The following CNTNAP2 variants were observed in gnomAD, a reference collection of about 807,000 sequenced individuals.
The protein encoded by CNTNAP2 is contactin associated protein 2, also known as contactin-associated protein-like 2.
CNTNAP2 carries 98 observed loss-of-function variants against 155.2 expected under a neutral mutation model. The observed-to-expected ratio is 0.63, with a 90% CI of 0.54 to 0.75. The LOEUF is 0.75. Ranked by LOEUF, CNTNAP2 falls within the 30% of genes least tolerant of loss-of-function variation. The pLI is 0.00. For synonymous variants in CNTNAP2, 651 were observed against 631.2 expected, an observed-to-expected ratio of 1.03 and a Z score of -0.47; for missense variants, 1,727 against 1,688.1, an observed-to-expected ratio of 1.02 and a Z score of -0.40.
intron 18 of CNTNAP2, among the ~76,000 whole-genome samples, chr7:148,182,145 G>A (rs1795049177): frequency 6.6e-6 from 1 of 152,030 alleles, no homozygotes; most frequent in Admixed American, 6.6e-5. Context: ...GTTGTTGAGT[G>A]TTTTTATTTC....
At chr7:146,483,330 C>CATAATATATATATATAT (rs1797006821) in intron 1 of CNTNAP2, among the ~76,000 whole-genome samples, 1 of 40,294 alleles carries the variant, frequency 2.5e-5, no homozygotes, top group Non-Finnish European at 4.6e-5. Context: ...TATATATATA[C>CATAATATATATATATAT]ATATATATAT....
intron 1 of CNTNAP2, among the ~76,000 whole-genome samples, chr7:146,721,450 CTATATACATTT>C (rs1198222151): frequency 2.5e-5 from 3 of 119,684 alleles, no homozygotes; most frequent in African/African-American, 3.6e-5. Flanking sequence ...TATATACATT[CTATATACATTT>C]TATATACATT....
At chr7:146,244,626 C>T (rs6977130) in intron 1 of CNTNAP2, among the ~76,000 whole-genome samples, 14,891 of 151,712 alleles carry the variant, frequency 0.098, 2,023 homozygotes, top group African/African-American at 0.31. Flanking sequence ...TTCCTGAAGA[C>T]GGAGGACCAT....
intron 18 of CNTNAP2, among the ~76,000 whole-genome samples, chr7:148,179,606 A>C (rs1382951175): frequency 7.1e-6 from 1 of 141,594 alleles, no homozygotes; most frequent in Non-Finnish European, 1.5e-5. Context: ...GGAGGGAGGG[A>C]AGGAGGGAAG....
At chr7:147,691,051 G>A (rs1796080007) in intron 13 of CNTNAP2, among the ~76,000 whole-genome samples, 1 of 151,942 alleles carries the variant, frequency 6.6e-6, no homozygotes, top group South Asian at 2.1e-4. Flanking sequence ...GTAAAACAAA[G>A]GGAAAACATT....
chr7:147,851,486 A>G (rs553274009), intron 13 of CNTNAP2, among the ~76,000 whole-genome samples: 49 of 152,234 alleles, frequency 3.2e-4, no homozygotes, highest in African/African-American at 9.6e-4. Flanking sequence ...TGTTTATTGC[A>G]GCACTATTCA....
chr7:147,059,018 T>C, intron 4 of CNTNAP2, among the ~76,000 whole-genome samples: 1 of 152,208 alleles, frequency 6.6e-6, no homozygotes, highest in Admixed American at 6.5e-5. Flanking sequence ...ATACCACTCC[T>C]TGGTGATGTG....
At chr7:147,270,191 T>C (rs1036037442) in intron 8 of CNTNAP2, among the ~76,000 whole-genome samples, 3 of 152,206 alleles carry the variant, frequency 2.0e-5, no homozygotes, top group Non-Finnish European at 4.4e-5. Flanking sequence ...GTCTCTTCTT[T>C]CTATATCTAT....
intron 1 of CNTNAP2, among the ~76,000 whole-genome samples, chr7:146,387,140 T>C (rs1292059914): frequency 4.6e-5 from 7 of 152,238 alleles, no homozygotes; most frequent in African/African-American, 1.7e-4. Context: ...TACCAGCCCT[T>C]GATCTTTGAG....
intron 17 of CNTNAP2, among the ~76,000 whole-genome samples, chr7:148,171,641 C>A (rs111564546): frequency 0.02 from 3,008 of 152,324 alleles, 40 homozygotes; most frequent in Middle Eastern, 0.048. Flanking sequence ...GAAATCTGAT[C>A]TAACCTAGCA....
At chr7:146,725,398 T>G (rs1297326124) in intron 1 of CNTNAP2, among the ~76,000 whole-genome samples, 1 of 152,176 alleles carries the variant, frequency 6.6e-6, no homozygotes, top group African/African-American at 2.4e-5. Context: ...GCCTTCAAAC[T>G]GCCCTTAATT....
intron 1 of CNTNAP2, among the ~76,000 whole-genome samples, chr7:146,132,036 T>C (rs562630610): frequency 5.3e-5 from 8 of 152,328 alleles, no homozygotes; most frequent in African/African-American, 1.9e-4. Context: ...ACTTTCTTTG[T>C]TTATAAATTA....
chr7:147,155,877 A>G (rs1801915671), intron 8 of CNTNAP2, among the ~76,000 whole-genome samples: 1 of 152,136 alleles, frequency 6.6e-6, no homozygotes, highest in Non-Finnish European at 1.5e-5. Context: ...AGGAGCTTAG[A>G]TCAGACCTCT....
rs567535713 is a variant in CNTNAP2 at position 147,888,120 on chromosome 7, A to T, written c.2099-15445A>T. Among the ~76,000 whole-genome samples, 212 of 152,328 alleles carry T rather than the reference A, an allele frequency of 1.4e-3. 1 individual carries two copies. Among genetic ancestry groups the T allele is most frequent in the African/African-American group, 4.3e-3 (178 of 41,582 alleles). On this transcript the variant is annotated intron_variant, in intron 13 of 23. Coordinates refer to ENST00000361727, the MANE Select transcript of CNTNAP2 (RefSeq NM_014141.6). ...AAATAATCACCAAATGTATGGGGAA[A>T]CAAGATACTGTAATTGTGAATCAAT...
At chr7:146,246,227 G>A (rs1799649551) in intron 1 of CNTNAP2, among the ~76,000 whole-genome samples, 1 of 150,574 alleles carries the variant, frequency 6.6e-6, no homozygotes, top group Non-Finnish European at 1.5e-5. Flanking sequence ...TTATACTTGT[G>A]GGTTAAGGTG....
chr7:147,508,759 G>A (rs1165030578), intron 11 of CNTNAP2, among the ~76,000 whole-genome samples: 2 of 152,022 alleles, frequency 1.3e-5, no homozygotes, highest in Non-Finnish European at 2.9e-5. Context: ...TTTTTAAAGG[G>A]CAGTTCCCCT....
chr7:146,909,160 A>C (rs1796216998), intron 3 of CNTNAP2, among the ~76,000 whole-genome samples: 1 of 152,044 alleles, frequency 6.6e-6, no homozygotes, highest in Admixed American at 6.6e-5. Flanking sequence ...GGCAATAATC[A>C]ATAGTTTACC....
At chr7:146,690,600 G>A (rs912428071) in intron 1 of CNTNAP2, among the ~76,000 whole-genome samples, 1 of 152,168 alleles carries the variant, frequency 6.6e-6, no homozygotes, top group Non-Finnish European at 1.5e-5. Flanking sequence ...TTATGCGTAT[G>A]ATAGCTAGAA....
chr7:147,747,683 A>G (rs914134311), intron 13 of CNTNAP2, among the ~76,000 whole-genome samples: 2 of 152,188 alleles, frequency 1.3e-5, no homozygotes, highest in African/African-American at 4.8e-5. Context: ...TCTATTTTCC[A>G]TAATGGCTGT....
Sources: gnomAD v4.1 joint callset for allele counts (sites outside exome capture counted in the v4.1 genomes callset) on GRCh38, gnomAD v4.1.1 for gene constraint, MANE v1.5 for transcripts, NCBI Gene and HGNC (gene_info 2026-07-23, HGNC 2026-07-21) for gene names.